The following LOXL2 variants were observed in gnomAD, a reference collection of about 807,000 sequenced individuals.
The protein encoded by LOXL2 is lysyl oxidase homolog 2.
Under a neutral mutation model 93.0 loss-of-function variants are expected in LOXL2, and 70 were observed. The observed-to-expected ratio is 0.75, with a 90% confidence interval of 0.62 to 0.92. The LOEUF (loss-of-function observed/expected upper bound fraction) is 0.92, where lower values mean the gene tolerates loss of function less well. LOXL2 is among the 40% of genes least tolerant of loss of function. The pLI, the probability that LOXL2 is intolerant of heterozygous loss-of-function variation, is 0.00. For missense variants in LOXL2, 973 were observed against 1,054.9 expected (o/e 0.92, Z 1.08); for synonymous variants, 438 against 413.2 (o/e 1.06, Z -0.73).
At chr8:23,359,055 T>C (rs370774203) in intron 3 of LOXL2, among the ~76,000 whole-genome samples, 16 of 152,132 alleles carry the variant, frequency 1.1e-4, no homozygotes, top group East Asian at 7.7e-4. Flanking sequence ...GGTTTCACCG[T>C]GTTAGCCAGG....
chr8:23,365,646 C>G (rs1005078462), intron 2 of LOXL2: 2 of 152,060 alleles, frequency 1.3e-5, no homozygotes, highest in African/African-American at 4.8e-5. Context: ...AATACACCTC[C>G]TCTCTCAGAG....
intron 7 of LOXL2, among the ~76,000 whole-genome samples, chr8:23,321,171 A>G (rs775004268): frequency 2.0e-5 from 3 of 152,128 alleles, no homozygotes; most frequent in Non-Finnish European, 4.4e-5. Context: ...TAGGTCCTAA[A>G]GCCAAGGCAA....
At chr8:23,385,315 C>T (rs550853420) in intron 1 of LOXL2, among the ~76,000 whole-genome samples, 6 of 146,980 alleles carry the variant, frequency 4.1e-5, no homozygotes, top group Admixed American at 1.4e-4. Context: ...GGTGTGATCT[C>T]GGCCTACTGC....
chr8:23,308,320 C>T (rs1803265592), intron 10 of LOXL2, among the ~76,000 whole-genome samples: 1 of 151,916 alleles, frequency 6.6e-6, no homozygotes, highest in African/African-American at 2.4e-5. Context: ...GTCGGTCTGC[C>T]ACGGGCCCTG....
chr8:23,333,164 C>T (rs1289707687), intron 5 of LOXL2, among the ~76,000 whole-genome samples: 1 of 152,174 alleles, frequency 6.6e-6, no homozygotes, highest in African/African-American at 2.4e-5. Context: ...ATCGTCTGCT[C>T]CTGCTGGGTA....
Position 23,393,168 on chromosome 8 carries a change from A to T in LOXL2, c.-84+10786T>A, listed in dbSNP as rs574513240. On this transcript the variant is annotated intron_variant, in intron 1 of 13. Transcript: ENST00000389131. ...CTACGAATTCAACACAATTTCTATC[A>T]CAATCCCAGCTGACTTCTTTGCAGA... is the stretch of plus-strand genomic sequence containing the variant. Among the ~76,000 whole-genome samples the T allele has an allele frequency of 3.3e-5, 5 of 152,362 alleles. No homozygotes were observed. In the East Asian group the frequency reaches 9.6e-4, roughly 29 times the overall value.
chr8:23,393,617 G>T (rs775232351), intron 1 of LOXL2, among the ~76,000 whole-genome samples: 1 of 152,068 alleles, frequency 6.6e-6, no homozygotes, highest in African/African-American at 2.4e-5. Flanking sequence ...CATAGAGTAC[G>T]TCTTCATGGA....
chr8:23,385,742 C>A (rs1804749948), intron 1 of LOXL2: 3 of 571,202 alleles, frequency 5.3e-6, no homozygotes, highest in South Asian at 4.4e-5. Context: ...TTTTAAATTC[C>A]CTCGTAGCCA....
At chr8:23,388,429 T>C (rs1217971888) in intron 1 of LOXL2, among the ~76,000 whole-genome samples, 1 of 151,910 alleles carries the variant, frequency 6.6e-6, no homozygotes, top group East Asian at 1.9e-4. Flanking sequence ...AAATTTTTTT[T>C]TTTAATTGGC....
At chr8:23,366,131 T>A (rs1203799978) in intron 2 of LOXL2, 1 of 152,178 alleles carries the variant, frequency 6.6e-6, no homozygotes, top group Non-Finnish European at 1.5e-5. Context: ...AAATACCCAG[T>A]CACTGGAAAG....
At position 23,382,053 on chromosome 8, in the gene LOXL2, T is replaced by G. The variant is rs886513890; in HGVS notation, c.-83-13619A>C. 3.9e-5 allele frequency among the ~76,000 whole-genome samples: 6 copies of G among 152,340 alleles called. No individual in the cohort carries two copies. The East Asian group carries it at 1.2e-3, about 29-fold the overall frequency. ...CTGATGATGCTGGAGACAGCCACAG[T>G]GTCATTTATAAACAACTGAGAGCTC... On this transcript the variant is annotated intron_variant, in intron 1 of 13. Coordinates refer to ENST00000389131, the MANE Select transcript of LOXL2 (RefSeq NM_002318.3).
At chr8:23,346,156 T>TAAAAAAAAAAAAA (rs373499170) in intron 3 of LOXL2, among the ~76,000 whole-genome samples, 1 of 50,302 alleles carries the variant, frequency 2.0e-5, no homozygotes, top group African/African-American at 8.4e-5. Flanking sequence ...TAAAATAAAA[T>TAAAAAAAAAAAAA]AAAAAATAAA....
At chr8:23,310,206 C>A (rs1177089211) in intron 9 of LOXL2, among the ~76,000 whole-genome samples, 1 of 152,236 alleles carries the variant, frequency 6.6e-6, no homozygotes, top group Non-Finnish European at 1.5e-5. Context: ...GTTAACAGAT[C>A]CTGTGCCTCA....
Position 23,303,557 on chromosome 8 carries a change from G to A in LOXL2, c.1881-160C>T, listed in dbSNP as rs76252560. On this transcript the variant is annotated intron_variant, in intron 10 of 13. Coordinates refer to ENST00000389131, the MANE Select transcript of LOXL2 (RefSeq NM_002318.3). ...TGAGAGGCCTGAGGAAAGGAAAGCC[G>A]GTGCTGCAGAGGCAGCTTCAGGGCT... Among the ~76,000 whole-genome samples, 611 of 152,254 alleles carry A rather than the reference G, an allele frequency of 4.0e-3. 3 individuals carry two copies. Among genetic ancestry groups the A allele is most frequent in the African/African-American group, 0.014 (575 of 41,544 alleles).
Position 23,298,004 on chromosome 8 carries a change from G to A in LOXL2, c.*39C>T, listed in dbSNP as rs1348260573. 1.3e-6 allele frequency: 2 copies of A among 1,537,904 alleles called. No individual in the cohort carries two copies. The highest frequency in any genetic ancestry group is 1.7e-5 in the Admixed American group (1 of 58,924). On this transcript the variant is annotated 3_prime_UTR_variant, in exon 14 of 14. Transcript: ENST00000389131. ...TGGGGGGAAGTCCCATGGAAGATGT[G>A]GTGTGGCCTGAAGACAGGAGTTGAC...
In LOXL2 at chr8:23,314,835, AAAAAT is replaced by A. The variant is rs200035569; in HGVS notation, c.1636+2109_1636+2113del. The stretch of plus-strand genomic sequence containing the variant: ...ATACATAAATAAAACGAAAAAAGAA[AAAAAT>A]AAAAATAAAAATAAAAAAGGAGAAA... On this transcript the variant is annotated intron_variant, in intron 9 of 13. Coordinates refer to ENST00000389131, the MANE Select transcript of LOXL2 (RefSeq NM_002318.3). Among the ~76,000 whole-genome samples the A allele has an allele frequency of 4.6e-3, 654 of 143,462 alleles. 7 individuals carry two copies. Among genetic ancestry groups the A allele is most frequent in the African/African-American group, 0.018 (603 of 34,048 alleles). 94.1% of individuals were successfully genotyped at this position (143,462 alleles called of 152,430 possible).
intron 1 of LOXL2, among the ~76,000 whole-genome samples, chr8:23,384,339 A>C (rs1301272259): frequency 1.3e-5 from 2 of 152,202 alleles, no homozygotes; most frequent in Non-Finnish European, 2.9e-5. Context: ...ATGAGCCTCT[A>C]AACACATGCT....
At chr8:23,394,909 A>G (rs1309530391) in intron 1 of LOXL2, among the ~76,000 whole-genome samples, 1 of 152,228 alleles carries the variant, frequency 6.6e-6, no homozygotes, top group Non-Finnish European at 1.5e-5. Context: ...ATGCCCATAC[A>G]ATAGAATATT....
chr8:23,357,430 T>A (rs1006728929), intron 3 of LOXL2, among the ~76,000 whole-genome samples: 2 of 152,176 alleles, frequency 1.3e-5, no homozygotes, highest in Non-Finnish European at 2.9e-5. Context: ...AAATGACCCA[T>A]CTTATTTCGC....
Sources: gnomAD v4.1 joint callset for allele counts (sites outside exome capture counted in the v4.1 genomes callset) on GRCh38, gnomAD v4.1.1 for gene constraint, MANE v1.5 for transcripts, NCBI Gene and HGNC (gene_info 2026-07-23, HGNC 2026-07-21) for gene names.